PSD3: variants seen among roughly 807,000 people sequenced by gnomAD.
The protein encoded by PSD3 is pleckstrin and Sec7 domain containing 3, also known as PH and SEC7 domain-containing protein 3.
In PSD3, 49 loss-of-function variants were observed where a neutral mutation model predicts 105.5. The observed-to-expected ratio is 0.46, with a 90% CI of 0.37 to 0.59. The LOEUF is 0.59. Among genes scored for constraint, PSD3 ranks in the 20% least tolerant of loss-of-function variants. PSD3 has a pLI of 0.00. For synonymous variants in PSD3, 557 were observed against 457.8 expected, an observed-to-expected ratio of 1.22 and a Z score of -2.77; for missense variants, 1,561 against 1,263.8, an observed-to-expected ratio of 1.24 and a Z score of -3.57.
At chr8:19,081,178 C>T (rs771523204) in intron 1 of PSD3, among the ~76,000 whole-genome samples, 30 of 152,150 alleles carry the variant, frequency 2.0e-4, no homozygotes, top group African/African-American at 4.1e-4. Context: ...ATGTTAGAGC[C>T]GTCCGTTGGC....
At chr8:18,650,577 C>A (rs1213327520) in intron 10 of PSD3, among the ~76,000 whole-genome samples, 2 of 152,152 alleles carry the variant, frequency 1.3e-5, no homozygotes, top group Non-Finnish European at 2.9e-5. Flanking sequence ...TATCTTTGTA[C>A]AGTCCTCCCT....
intron 9 of PSD3, among the ~76,000 whole-genome samples, chr8:18,709,203 C>A (rs1408819819): frequency 6.6e-6 from 1 of 152,170 alleles, no homozygotes; most frequent in East Asian, 1.9e-4. Flanking sequence ...AGGAGGAATT[C>A]CCCACAGTGA....
chr8:18,726,119 G>C (rs1478526615), intron 9 of PSD3, among the ~76,000 whole-genome samples: 2 of 152,188 alleles, frequency 1.3e-5, no homozygotes, highest in African/African-American at 4.8e-5. Context: ...GATGAATGTG[G>C]TTCTCTCCTG....
In PSD3 at chr8:18,874,642, G is replaced by A. The variant is rs960710669; in HGVS notation, c.131-1909C>T. 4.1e-5 allele frequency among the ~76,000 whole-genome samples: 6 copies of A among 146,448 alleles called. No individual in the cohort carries two copies. The East Asian group carries it at 1.2e-3, about 30-fold the overall frequency. On this transcript the variant is annotated intron_variant, in intron 2 of 15. Coordinates refer to ENST00000327040, the MANE Select transcript of PSD3 (RefSeq NM_015310.4). ...CATTTGAACCTGGGAGGCAGAGGTT[G>A]CAGTGAGCCGAGATTGCACCATTGT...
chr8:18,846,228 G>A (rs1374969424), intron 4 of PSD3, among the ~76,000 whole-genome samples: 1 of 152,152 alleles, frequency 6.6e-6, no homozygotes, highest in Non-Finnish European at 1.5e-5. Flanking sequence ...TCATTACCAA[G>A]AAGGCAAAGG....
At chr8:18,861,448 A>G (rs1816439355) in intron 4 of PSD3, among the ~76,000 whole-genome samples, 1 of 152,144 alleles carries the variant, frequency 6.6e-6, no homozygotes, top group South Asian at 2.1e-4. Flanking sequence ...AAGTCTCTCC[A>G]GTGACCTTCA....
intron 1 of PSD3, among the ~76,000 whole-genome samples, chr8:18,993,869 T>C (rs567183816): frequency 6.8e-6 from 1 of 146,310 alleles, no homozygotes; most frequent in South Asian, 2.2e-4. Context: ...TATCAAACAA[T>C]TTGATTATAT....
At chr8:18,594,108 G>C (rs1211126145) in intron 12 of PSD3, among the ~76,000 whole-genome samples, 8 of 104,444 alleles carry the variant, frequency 7.7e-5, no homozygotes, top group Non-Finnish European at 8.9e-5. Context: ...ATGTACCCTA[G>C]AACTTAAAGT....
chr8:18,845,840 G>A (rs1216557318), intron 4 of PSD3, among the ~76,000 whole-genome samples: 5 of 152,174 alleles, frequency 3.3e-5, no homozygotes, highest in Non-Finnish European at 7.3e-5. Flanking sequence ...AGGATTTTAT[G>A]GGAAAGAATA....
chr8:18,841,109 G>A (rs1814583863), intron 4 of PSD3, among the ~76,000 whole-genome samples: 1 of 152,188 alleles, frequency 6.6e-6, no homozygotes, highest in South Asian at 2.1e-4. Context: ...TAAAAATCAA[G>A]TTTACAACCC....
Position 18,528,680 on chromosome 8 carries a change from C to A in PSD3, c.*7063G>T, listed in dbSNP as rs1799521138. 2 of 152,590 alleles carry A rather than the reference C, an allele frequency of 1.3e-5. No individual in the cohort carries two copies. The highest frequency in any genetic ancestry group is 2.9e-5 in the Non-Finnish European group (2 of 68,060). 9.5% of individuals were successfully genotyped at this position (152,590 alleles called of 1,614,324 possible). ...CTCAGAGCAGTGAGCCTCAGACCTG[C>A]AGTGTGGTCCTTAATCGAGCCTTGG... On this transcript the variant is annotated 3_prime_UTR_variant, in exon 16 of 16. Transcript: ENST00000327040.
intron 11 of PSD3, among the ~76,000 whole-genome samples, chr8:18,607,722 G>C (rs970854416): frequency 6.7e-6 from 1 of 149,244 alleles, no homozygotes; most frequent in Non-Finnish European, 1.5e-5. Context: ...AGGAAGTCAG[G>C]TGTATTAGTA....
At chr8:19,015,991 G>C (rs138719025), upstream of PSD3, among the ~76,000 whole-genome samples, 189 of 152,284 alleles carry the variant, frequency 1.2e-3, no homozygotes, top group African/African-American at 4.4e-3. Flanking sequence ...ATGGTTAGAG[G>C]TTCTGATCAG....
At chr8:18,710,317 C>T (rs6987576) in intron 9 of PSD3, among the ~76,000 whole-genome samples, 21,263 of 151,956 alleles carry the variant, frequency 0.14, 3,056 homozygotes, top group African/African-American at 0.36. Context: ...AAGGAATGAA[C>T]AAAACCTTCG....
chr8:18,853,923 C>T (rs1167150923), intron 4 of PSD3, among the ~76,000 whole-genome samples: 2 of 152,116 alleles, frequency 1.3e-5, no homozygotes, highest in Non-Finnish European at 2.9e-5. Context: ...ATTTGTCATC[C>T]TTATTTAGAA....
At chr8:18,556,384 A>C (rs74644415) in intron 14 of PSD3, 32 bp from the exon 15 acceptor site, 4 of 1,341,600 alleles carry the variant, frequency 3.0e-6, no homozygotes, top group South Asian at 2.7e-5. Flanking sequence ...TTTAGCGTTC[A>C]AAAAAAAAAC....
chr8:18,628,403 A>C (rs1806649548), intron 11 of PSD3, among the ~76,000 whole-genome samples: 1 of 151,898 alleles, frequency 6.6e-6, no homozygotes, highest in Admixed American at 6.6e-5. Flanking sequence ...TTTTTGTCTG[A>C]AATCCTGCAG....
At chr8:18,546,901 G>A (rs1800483453) in intron 15 of PSD3, among the ~76,000 whole-genome samples, 1 of 152,126 alleles carries the variant, frequency 6.6e-6, no homozygotes, top group South Asian at 2.1e-4. Flanking sequence ...TCCATGGTTC[G>A]GGGATAAGAA....
rs556319470 is a variant in PSD3, at chr8:18,804,651, AAC to A, written c.1829+51_1830-50del. 1.3e-4 allele frequency: 215 copies of A among 1,611,914 alleles called. No homozygotes were observed. In the African/African-American group the frequency reaches 2.1e-3, roughly 16 times the overall value. On this transcript the variant is annotated intron_variant, in intron 5 of 15. Coordinates refer to ENST00000327040, the MANE Select transcript of PSD3 (RefSeq NM_015310.4). ...GGTTATTGAAAGGTAAACTATTTAA[AAC>A]ACACACAAAACAGGAGAGAATTCAG...
Sources: gnomAD v4.1 joint callset for allele counts (sites outside exome capture counted in the v4.1 genomes callset) on GRCh38, gnomAD v4.1.1 for gene constraint, MANE v1.5 for transcripts, NCBI Gene and HGNC (gene_info 2026-07-23, HGNC 2026-07-21) for gene names.